The following RPS15A variants were observed in gnomAD, a reference collection of about 807,000 sequenced individuals.
The protein encoded by RPS15A is ribosomal protein S15a.
For missense variants in RPS15A, 62 were observed against 163.4 expected (o/e 0.38, Z 3.38); for synonymous variants, 55 against 58.5 (o/e 0.94, Z 0.27).
chr16:18,784,419 G>A (rs752359870), intron 4 of RPS15A: 125 of 210,196 alleles, frequency 5.9e-4, no homozygotes, highest in Non-Finnish European at 1.0e-3. Context: ...GGCTAATTTT[G>A]TATTTTAGGT....
At chr16:18,789,523 T>G (rs963264344) in intron 1 of RPS15A, among the ~76,000 whole-genome samples, 2 of 152,214 alleles carry the variant, frequency 1.3e-5, no homozygotes, top group African/African-American at 4.8e-5. Flanking sequence ...CAGAGTATCA[T>G]CGGCAACATT....
chr16:18,786,174 G>T, intron 3 of RPS15A: 1 of 169,142 alleles, frequency 5.9e-6, no homozygotes. Flanking sequence ...AGACCAGCCT[G>T]GCCAACATGG....
At chr16:18,785,966 C>CTAG (rs1904041323) in intron 3 of RPS15A, 1 of 152,232 alleles carries the variant, frequency 6.6e-6, no homozygotes, top group African/African-American at 2.4e-5. Flanking sequence ...TTTAATCAAT[C>CTAG]TAGTCTTTAC....
intron 3 of RPS15A, among the ~76,000 whole-genome samples, chr16:18,787,142 C>T (rs548715765): frequency 6.6e-6 from 1 of 152,338 alleles, no homozygotes; most frequent in Non-Finnish European, 1.5e-5. Context: ...GGATTACAGG[C>T]GTGACCCACT....
rs1194920631 is a variant in RPS15A at position 18,782,873 on chromosome 16, T to C, written c.*136A>G. On this transcript the variant is annotated 3_prime_UTR_variant, in exon 5 of 5. Transcript: ENST00000322989. ...TGGCTGTATTAGTCACTTCAGGGAA[T>C]CGCATTCACCGATAAACGAAGCAAC... The C allele has an allele frequency of 5.0e-6, 3 of 602,760 alleles. No individual in the cohort carries two copies. Among genetic ancestry groups the C allele is most frequent in the Admixed American group, 3.1e-5 (1 of 32,578 alleles). The allele number at this position is 602,760 out of a possible 1,614,324, so 37.3% of individuals were successfully genotyped here. A position where few individuals can be genotyped will look rare whatever the true frequency, so the allele number is the denominator to read the frequency against.
chr16:18,784,844 C>A lies in RPS15A; in HGVS notation c.214-21G>T, dbSNP rs758683661. On this transcript the variant is annotated intron_variant, in intron 3 of 4. Transcript: ENST00000322989. Reference sequence around the variant, plus strand: ...CCACACTATAAAATAACAACAACAACAAAAACATTCTTCACTTTACCAATA... The same window carrying A: ...CCACACTATAAAATAACAACAACAAAAAAAACATTCTTCACTTTACCAATA... 1.4e-5 allele frequency: 21 copies of A among 1,545,664 alleles called. No homozygotes were observed. The Admixed American group carries it at 2.3e-4, about 17-fold the overall frequency.
chr16:18,789,141 G>A (rs1456387524), intron 1 of RPS15A, 23 bp from the exon 2 acceptor site: 5 of 1,597,968 alleles, frequency 3.1e-6, no homozygotes, highest in African/African-American at 1.3e-5. Context: ...GACAAAACAG[G>A]AGGTTTTACT....
chr16:18,789,608 T>G (rs943222774), intron 1 of RPS15A, among the ~76,000 whole-genome samples: 14 of 152,218 alleles, frequency 9.2e-5, no homozygotes, highest in Non-Finnish European at 1.8e-4. Flanking sequence ...TCACCTACAA[T>G]GAACACATCT....
At chr16:18,783,259 G>A (rs149682889) in intron 4 of RPS15A, 157 bp from the exon 5 acceptor site, 154 of 577,460 alleles carry the variant, frequency 2.7e-4, no homozygotes, top group African/African-American at 1.1e-3. Context: ...CTCATGTAGC[G>A]TATGAGCCAT....
chr16:18,788,267 G>C, intron 2 of RPS15A, 125 bp from the exon 3 acceptor site: 1 of 667,148 alleles, frequency 1.5e-6, no homozygotes, highest in South Asian at 1.8e-5. Context: ...AAAAGTTGGG[G>C]GGAAGACAGT....
intron 4 of RPS15A, 55 bp from the exon 5 acceptor site, chr16:18,783,157 T>C (rs1008188688): frequency 9.5e-6 from 11 of 1,163,474 alleles, no homozygotes; most frequent in Non-Finnish European, 1.4e-5. Context: ...CATAGTGCCT[T>C]CTAGTGCAGA....
intron 3 of RPS15A, among the ~76,000 whole-genome samples, chr16:18,787,476 G>GCACAGTGGACA (rs1436675041): frequency 6.6e-6 from 1 of 152,166 alleles, no homozygotes; most frequent in East Asian, 1.9e-4. Flanking sequence ...CTGACAGGAA[G>GCACAGTGGACA]CACAGTGGAC....
chr16:18,788,304 A>G, intron 2 of RPS15A, 162 bp from the exon 3 acceptor site: 1 of 593,552 alleles, frequency 1.7e-6, no homozygotes, highest in Non-Finnish European at 3.0e-6. Flanking sequence ...TAATTTTTAC[A>G]ACCTAACATA....
At chr16:18,787,013 C>T (rs973662491) in intron 3 of RPS15A, among the ~76,000 whole-genome samples, 1 of 152,242 alleles carries the variant, frequency 6.6e-6, no homozygotes, top group African/African-American at 2.4e-5. Context: ...TACAAGCGCC[C>T]GCCACTGCGC....
chr16:18,788,216 C>T (rs2029931494), intron 2 of RPS15A, 74 bp from the exon 3 acceptor site: 1 of 907,400 alleles, frequency 1.1e-6, no homozygotes, highest in East Asian at 2.4e-5. Flanking sequence ...CTAGCCTACT[C>T]AATTCTTCAC....
intron 3 of RPS15A, chr16:18,786,279 C>G (rs1432189858): frequency 2.5e-5 from 5 of 199,050 alleles, no homozygotes; most frequent in Non-Finnish European, 4.3e-5. Context: ...GCAGGAGAAT[C>G]GCTTGAACCT....
At chr16:18,783,601 A>G (rs567846482) in intron 4 of RPS15A, 48 of 454,372 alleles carry the variant, frequency 1.1e-4, no homozygotes, top group Admixed American at 4.0e-4. Flanking sequence ...AATCAGTATC[A>G]TAATTACAAA....
At chr16:18,789,301 G>T (rs2029971888) in intron 1 of RPS15A, among the ~76,000 whole-genome samples, 183 bp from the exon 2 acceptor site, 1 of 152,184 alleles carries the variant, frequency 6.6e-6, no homozygotes, top group Non-Finnish European at 1.5e-5. Flanking sequence ...TACGGTTGTT[G>T]AAAACAGGTT....
At position 18,783,112 on chromosome 16, in the gene RPS15A, G is replaced by GC. The variant is rs1903990366; in HGVS notation, c.300-11_300-10insG. On this transcript the variant is annotated splice_polypyrimidine_tract_variant and intron_variant, in intron 4 of 4. Coordinates refer to ENST00000322989, the MANE Select transcript of RPS15A (RefSeq NM_001019.5). Reference sequence around the variant, plus strand: ...TGTCAGTACAATGAAACTATGGAGTGGAAAAAGAAAGTGCTGGTAAGTTTA... The same window carrying GC: ...TGTCAGTACAATGAAACTATGGAGTGCGAAAAAGAAAGTGCTGGTAAGTTTA... The GC allele has an allele frequency of 1.9e-6, 3 of 1,586,600 alleles. No homozygotes were observed. The African/African-American group carries it at 4.0e-5, about 21-fold the overall frequency.
Sources: allele counts gnomAD v4.1 joint callset (sites outside exome capture counted in the v4.1 genomes callset), GRCh38; gene constraint gnomAD v4.1.1; transcripts MANE v1.5; gene names NCBI Gene and HGNC (gene_info 2026-07-23, HGNC 2026-07-21).